Variants in WDPCP observed in about 807,000 individuals in gnomAD.
The protein encoded by WDPCP is WD repeat-containing and planar cell polarity effector protein fritz homolog.
Under a neutral mutation model 93.1 loss-of-function variants are expected in WDPCP, and 71 were observed. That is an observed-to-expected ratio of 0.76 (90% CI 0.63 to 0.93). The LOEUF is 0.93. WDPCP is among the 40% of genes least tolerant of loss of function. The pLI is 0.00. For missense variants in WDPCP, 844 were observed against 887.4 expected (o/e 0.95, Z 0.62); for synonymous variants, 315 against 315.0 (o/e 1.00, Z 0.00).
intron 15 of WDPCP, among the ~76,000 whole-genome samples, chr2:63,170,625 T>A (rs1429231700): frequency 6.6e-6 from 1 of 152,190 alleles, no homozygotes; most frequent in African/African-American, 2.4e-5. Context: ...CTTATTCCAA[T>A]GTATCTAATT....
intron 3 of WDPCP, chr2:63,605,388 C>G (rs761040679): frequency 6.2e-7 from 1 of 1,610,180 alleles, no homozygotes; most frequent in South Asian, 1.1e-5. Flanking sequence ...GTTTGGAACC[C>G]CAGAGGTAAG....
chr2:63,217,983 A>G (rs115622460), intron 14 of WDPCP, among the ~76,000 whole-genome samples: 1,939 of 152,284 alleles, frequency 0.013, 43 homozygotes, highest in African/African-American at 0.045. Flanking sequence ...GATATCCTTC[A>G]GAAATGAAAA....
At chr2:63,537,626 T>A (rs965224388) in intron 1 of WDPCP, among the ~76,000 whole-genome samples, 1 of 152,136 alleles carries the variant, frequency 6.6e-6, no homozygotes, top group Non-Finnish European at 1.5e-5. Context: ...CACTTACCTA[T>A]CCCTGCTTTC....
intron 3 of WDPCP, among the ~76,000 whole-genome samples, chr2:63,612,441 A>G (rs976671699): frequency 6.6e-6 from 1 of 152,196 alleles, no homozygotes; most frequent in African/African-American, 2.4e-5. Flanking sequence ...CAGATACAGA[A>G]GCAGCCTTCC....
chr2:63,830,397 T>A (rs150004684), upstream of WDPCP, among the ~76,000 whole-genome samples: 2 of 152,156 alleles, frequency 1.3e-5, no homozygotes, highest in Non-Finnish European at 2.9e-5. Context: ...CTGAAATGGG[T>A]AAAAAGTCAA....
At chr2:63,171,898 A>G (rs962723778) in intron 15 of WDPCP, among the ~76,000 whole-genome samples, 19 of 152,220 alleles carry the variant, frequency 1.2e-4, no homozygotes, top group African/African-American at 4.3e-4. Context: ...CCTCAGTAAC[A>G]TAATGCTAAG....
intron 1 of WDPCP, among the ~76,000 whole-genome samples, chr2:63,538,038 C>T (rs1416472773): frequency 6.6e-6 from 1 of 151,848 alleles, no homozygotes; most frequent in Non-Finnish European, 1.5e-5. Flanking sequence ...ATAATATGCG[C>T]TAAAAAACAA....
intron 2 of WDPCP, among the ~76,000 whole-genome samples, chr2:63,735,869 C>T (rs1284100472): frequency 6.6e-6 from 1 of 152,164 alleles, no homozygotes; most frequent in Non-Finnish European, 1.5e-5. Flanking sequence ...GGCACCTGTA[C>T]CCAAAGATAC....
At chr2:63,354,783 A>T (rs746890382) in intron 12 of WDPCP, among the ~76,000 whole-genome samples, 48 of 152,162 alleles carry the variant, frequency 3.2e-4, no homozygotes, top group Admixed American at 1.6e-3. Flanking sequence ...GAATAACACA[A>T]TACAAGAATT....
chr2:63,173,510 G>A (rs1673560469), intron 15 of WDPCP, among the ~76,000 whole-genome samples: 1 of 152,162 alleles, frequency 6.6e-6, no homozygotes, highest in Admixed American at 6.5e-5. Flanking sequence ...GTCAGCTGTT[G>A]GTTTTCAAAG....
At chr2:63,604,630 A>T (rs1446763345) in intron 3 of WDPCP, 2 of 1,316,852 alleles carry the variant, frequency 1.5e-6, no homozygotes, top group East Asian at 4.7e-5. Context: ...GCATTTGTCA[A>T]AACAGGTCCC....
At chr2:63,282,603 C>G (rs1683654649) in intron 13 of WDPCP, among the ~76,000 whole-genome samples, 1 of 152,110 alleles carries the variant, frequency 6.6e-6, no homozygotes. Context: ...ATTTATAAAA[C>G]ATAGATTAAA....
chr2:63,838,484 G>A, the WDPCP span, among the ~76,000 whole-genome samples: 4 of 152,158 alleles, frequency 2.6e-5, no homozygotes, highest in African/African-American at 9.7e-5. Context: ...CTGGCTTCCA[G>A]GCTTTCTTTC....
At chr2:63,813,043 T>C (rs984433235) in intron 2 of WDPCP, among the ~76,000 whole-genome samples, 1 of 151,896 alleles carries the variant, frequency 6.6e-6, no homozygotes, top group African/African-American at 2.4e-5. Flanking sequence ...ATTGTAGATA[T>C]GAGGTCTCAC....
At chr2:63,615,242 G>T (rs563876881) in intron 3 of WDPCP, among the ~76,000 whole-genome samples, 1 of 152,256 alleles carries the variant, frequency 6.6e-6, no homozygotes, top group East Asian at 1.9e-4. Flanking sequence ...TACATACGGT[G>T]GATCCCAGTA....
chr2:63,155,992 G>A (rs1311365848), intron 15 of WDPCP, among the ~76,000 whole-genome samples: 2 of 151,874 alleles, frequency 1.3e-5, no homozygotes, highest in African/African-American at 2.4e-5. Context: ...CCGTAAACAC[G>A]TCTATTTATT....
chr2:63,190,196 G>A (rs377685594), intron 14 of WDPCP, among the ~76,000 whole-genome samples: 3 of 152,282 alleles, frequency 2.0e-5, no homozygotes, highest in East Asian at 1.9e-4. Context: ...GGGAGGCTGA[G>A]GCGGGCGGAT....
chr2:63,245,359 C>T (rs181903426), intron 14 of WDPCP, among the ~76,000 whole-genome samples: 138 of 152,118 alleles, frequency 9.1e-4, no homozygotes, highest in African/African-American at 2.0e-3. Flanking sequence ...AATAATTGTA[C>T]GGGTAACAGT....
chr2:63,835,397 A>AG, the WDPCP span, among the ~76,000 whole-genome samples: 1 of 150,876 alleles, frequency 6.6e-6, no homozygotes, highest in African/African-American at 2.4e-5. Context: ...CTCAAAAAAA[A>AG]AAAAAAAAAA....
Sources: gnomAD v4.1 joint callset for allele counts (sites outside exome capture counted in the v4.1 genomes callset) on GRCh38, gnomAD v4.1.1 for gene constraint, MANE v1.5 for transcripts, NCBI Gene and HGNC (gene_info 2026-07-23, HGNC 2026-07-21) for gene names.